The following LUZP2 variants were observed in gnomAD, a reference collection of about 807,000 sequenced individuals.
The protein encoded by LUZP2 is leucine zipper protein 2.
LUZP2 carries 52 observed loss-of-function variants against 51.6 expected under a neutral mutation model. The observed-to-expected ratio is 1.01, with a 90% CI of 0.81 to 1.27. The LOEUF is 1.27. Among genes scored for constraint, LUZP2 ranks in the 50% most tolerant of loss-of-function variants. The probability of loss-of-function intolerance (pLI) is 0.00; values close to 1 mark genes in which losing one functional copy is unlikely to be tolerated. For synonymous variants in LUZP2, 154 were observed against 137.3 expected, an observed-to-expected ratio of 1.12 and a Z score of -0.85; for missense variants, 436 against 395.4, an observed-to-expected ratio of 1.10 and a Z score of -0.87.
intron 1 of LUZP2, among the ~76,000 whole-genome samples, chr11:24,709,390 G>A (rs1326439720): frequency 6.6e-6 from 1 of 152,078 alleles, no homozygotes; most frequent in Non-Finnish European, 1.5e-5. Flanking sequence ...TTATAAAAGA[G>A]TACAGAGTAT....
intron 1 of LUZP2, among the ~76,000 whole-genome samples, chr11:24,579,504 T>C (rs1852775158): frequency 1.3e-5 from 2 of 152,094 alleles, no homozygotes; most frequent in Admixed American, 1.3e-4. Context: ...GACAAAATTG[T>C]TGTAACTACT....
rs146475051 is a variant in LUZP2, at chr11:24,883,509, C to A, written c.397-22482C>A. On this transcript the variant is annotated intron_variant, in intron 5 of 11. Coordinates refer to ENST00000336930, the MANE Select transcript of LUZP2 (RefSeq NM_001009909.4). ...CCCAAGTATTAAATAAATCATCTTT[C>A]TTTGAAATTTATAGCAGCTAAACTT... Among the ~76,000 whole-genome samples the A allele has an allele frequency of 2.6e-5, 4 of 152,002 alleles. No homozygotes were observed. The East Asian group carries it at 7.7e-4, about 29-fold the overall frequency.
chr11:24,841,096 A>G (rs1361170219), intron 5 of LUZP2, among the ~76,000 whole-genome samples: 2 of 151,966 alleles, frequency 1.3e-5, no homozygotes, highest in Non-Finnish European at 2.9e-5. Context: ...CTGTCCCCCA[A>G]AATTCATATG....
chr11:24,667,722 A>G (rs940356724), intron 1 of LUZP2, among the ~76,000 whole-genome samples: 1 of 152,190 alleles, frequency 6.6e-6, no homozygotes, highest in African/African-American at 2.4e-5. Flanking sequence ...GGCTTAGTCA[A>G]AAATATAAAA....
At chr11:24,548,099 G>C (rs771156350) in intron 1 of LUZP2, among the ~76,000 whole-genome samples, 3 of 152,116 alleles carry the variant, frequency 2.0e-5, no homozygotes, top group Non-Finnish European at 4.4e-5. Context: ...TACACTGCTG[G>C]TGGAAATGTA....
chr11:24,867,272 A>G (rs7130523), intron 5 of LUZP2, among the ~76,000 whole-genome samples: 82,662 of 151,926 alleles, frequency 0.54, 23,866 homozygotes, highest in Middle Eastern at 0.67. Context: ...CCCCAGGGAT[A>G]TACAAGACAT....
In LUZP2 at chr11:24,651,732, A is replaced by G. The variant is rs1316728085; in HGVS notation, c.63-77437A>G. Among the ~76,000 whole-genome samples, 3 of 152,126 alleles carry G rather than the reference A, an allele frequency of 2.0e-5. No homozygotes were observed. In the East Asian group the frequency reaches 5.8e-4, roughly 29 times the overall value. ...TTGAGATAAACATTTAAATCAGTAGACTTTCAATAAAGCAGATTATTCTCC... is the reference window on the plus strand; with the variant it reads ...TTGAGATAAACATTTAAATCAGTAGGCTTTCAATAAAGCAGATTATTCTCC... On this transcript the variant is annotated intron_variant, in intron 1 of 11. Coordinates refer to ENST00000336930, the MANE Select transcript of LUZP2 (RefSeq NM_001009909.4).
chr11:24,671,909 C>CT (rs1293848206), intron 1 of LUZP2, among the ~76,000 whole-genome samples: 1 of 152,074 alleles, frequency 6.6e-6, no homozygotes, highest in Admixed American at 6.6e-5. Flanking sequence ...CATTTACTTC[C>CT]TTTTTCTTTT....
intron 7 of LUZP2, among the ~76,000 whole-genome samples, chr11:24,976,210 T>G (rs1428870427): frequency 6.6e-6 from 1 of 151,958 alleles, no homozygotes; most frequent in Non-Finnish European, 1.5e-5. Flanking sequence ...ACAGTGACAA[T>G]AATGAGTTAG....
At chr11:24,590,661 C>A (rs1312747747) in intron 1 of LUZP2, among the ~76,000 whole-genome samples, 1 of 152,084 alleles carries the variant, frequency 6.6e-6, no homozygotes, top group Non-Finnish European at 1.5e-5. Context: ...AAGTGTGTTG[C>A]CTTAATACTA....
intron 9 of LUZP2, among the ~76,000 whole-genome samples, chr11:25,006,457 A>C (rs1181608704): frequency 6.6e-6 from 1 of 152,126 alleles, no homozygotes; most frequent in African/African-American, 2.4e-5. Flanking sequence ...CTCAGCCTAG[A>C]AGTACAGAAA....
At chr11:24,769,786 C>CTCTTTTTTTTTTTTT (rs764723270) in intron 5 of LUZP2, among the ~76,000 whole-genome samples, 2 of 146,952 alleles carry the variant, frequency 1.4e-5, no homozygotes, top group Admixed American at 1.3e-4. Context: ...ACTAAATTCT[C>CTCTTTTTTTTTTTTT]TTTTTTGTTT....
chr11:24,740,565 C>T lies in LUZP2; in HGVS notation c.333+2263C>T, dbSNP rs193058082. ...ATTTAAATTTCTAGTAGGCCATGTA[C>T]TAATTCTGTAAATTTACTAGCTCAT... On this transcript the variant is annotated intron_variant, in intron 4 of 11. Transcript: ENST00000336930. 2.2e-3 allele frequency among the ~76,000 whole-genome samples: 342 copies of T among 152,226 alleles called. 1 individual carries two copies. Among genetic ancestry groups the T allele is most frequent in the Middle Eastern group, 6.8e-3 (2 of 294 alleles).
intron 1 of LUZP2, among the ~76,000 whole-genome samples, chr11:24,616,362 G>A (rs577662600): frequency 1.3e-5 from 2 of 151,802 alleles, no homozygotes; most frequent in Non-Finnish European, 2.9e-5. Context: ...TACACTTAAC[G>A]CTGTGACCCA....
intron 1 of LUZP2, among the ~76,000 whole-genome samples, chr11:24,581,158 A>G: frequency 6.6e-6 from 1 of 151,530 alleles, no homozygotes; most frequent in South Asian, 2.1e-4. Flanking sequence ...AAGTAAAGAA[A>G]GAATTTCTCA....
At chr11:24,601,890 ATATATG>A (rs57740547) in intron 1 of LUZP2, among the ~76,000 whole-genome samples, 44,923 of 132,680 alleles carry the variant, frequency 0.34, 8,456 homozygotes, top group African/African-American at 0.45. Context: ...GTATATATGT[ATATATG>A]TATATATGTA....
intron 5 of LUZP2, among the ~76,000 whole-genome samples, chr11:24,894,698 T>A (rs1395900217): frequency 1.3e-5 from 2 of 152,036 alleles, no homozygotes; most frequent in African/African-American, 2.4e-5. Context: ...CACGACAACG[T>A]GTCATTTGGT....
chr11:24,897,079 A>G (rs980070191), intron 5 of LUZP2, among the ~76,000 whole-genome samples: 1 of 152,150 alleles, frequency 6.6e-6, no homozygotes, highest in Non-Finnish European at 1.5e-5. Flanking sequence ...CTCTGTGTCT[A>G]GTTAACCTAG....
intron 9 of LUZP2, among the ~76,000 whole-genome samples, chr11:25,020,775 T>C (rs528683977): frequency 2.3e-5 from 3 of 131,002 alleles, no homozygotes; most frequent in South Asian, 5.1e-4. Context: ...ATAATTTTAC[T>C]TGGGGTCTAA....
Sources: allele counts gnomAD v4.1 joint callset (sites outside exome capture counted in the v4.1 genomes callset), GRCh38; gene constraint gnomAD v4.1.1; transcripts MANE v1.5; gene names NCBI Gene and HGNC (gene_info 2026-07-23, HGNC 2026-07-21).